MAST4: variants seen among roughly 807,000 people sequenced by gnomAD.
The protein encoded by MAST4 is microtubule associated serine/threonine kinase family member 4, also known as microtubule-associated serine/threonine-protein kinase 4.
Under a neutral mutation model 162.7 loss-of-function variants are expected in MAST4, and 89 were observed. The observed-to-expected ratio is 0.55, with a 90% CI of 0.46 to 0.65. The LOEUF is 0.65. Ranked by LOEUF, MAST4 falls within the 30% of genes least tolerant of loss-of-function variation. The pLI, the probability that MAST4 is intolerant of heterozygous loss-of-function variation, is 0.00. For synonymous variants in MAST4, 1,479 were observed against 1,361.1 expected (o/e 1.09, Z -1.91); for missense variants, 3,153 against 3,374.0 (o/e 0.93, Z 1.62).
intron 5 of MAST4, among the ~76,000 whole-genome samples, chr5:67,085,931 G>A (rs1763186101): frequency 6.6e-6 from 1 of 152,192 alleles, no homozygotes; most frequent in Non-Finnish European, 1.5e-5. Context: ...CCTGCATCGT[G>A]TTCCAGTGCC....
chr5:66,997,741 A>T (rs933210098), intron 4 of MAST4, among the ~76,000 whole-genome samples: 1 of 152,126 alleles, frequency 6.6e-6, no homozygotes, highest in Non-Finnish European at 1.5e-5. Flanking sequence ...TGATGTTTTA[A>T]TTACATTTTA....
At chr5:66,798,857 C>A (rs1026382679) in intron 3 of MAST4, among the ~76,000 whole-genome samples, 1 of 152,110 alleles carries the variant, frequency 6.6e-6, no homozygotes, top group African/African-American at 2.4e-5. Flanking sequence ...ACGGGTATTT[C>A]TTTCCTTGTT....
At chr5:66,898,125 C>T (rs1450130761) in intron 3 of MAST4, among the ~76,000 whole-genome samples, 1 of 152,106 alleles carries the variant, frequency 6.6e-6, no homozygotes, top group Admixed American at 6.6e-5. Flanking sequence ...TAGGCCTTTG[C>T]TCTGCACTAG....
intron 4 of MAST4, among the ~76,000 whole-genome samples, chr5:66,947,250 T>C (rs557875106): frequency 9.2e-5 from 14 of 152,296 alleles, no homozygotes; most frequent in Admixed American, 3.9e-4. Context: ...GCATGACTTT[T>C]ATGGTCCCTG....
At chr5:66,683,601 CT>C (rs1297545166) in intron 1 of MAST4, among the ~76,000 whole-genome samples, 1 of 152,156 alleles carries the variant, frequency 6.6e-6, no homozygotes, top group Admixed American at 6.5e-5. Flanking sequence ...TATTGTCATG[CT>C]GGCATTTCTG....
At chr5:67,100,338 T>A in intron 7 of MAST4, 97 bp from the exon 8 acceptor site, 1 of 1,123,184 alleles carries the variant, frequency 8.9e-7, no homozygotes, top group Non-Finnish European at 1.3e-6. Flanking sequence ...ACAATAAAAA[T>A]GGTGGTATTG....
chr5:67,144,879 G>T, intron 22 of MAST4, 83 bp downstream of exon 22: 1 of 1,473,706 alleles, frequency 6.8e-7, no homozygotes. Context: ...CAGAATACCT[G>T]GGGGGCTTGT....
At chr5:67,148,517 A>G (rs1771380508) in intron 23 of MAST4, among the ~76,000 whole-genome samples, 1 of 152,126 alleles carries the variant, frequency 6.6e-6, no homozygotes, top group Non-Finnish European at 1.5e-5. Context: ...ACCCCCCTCC[A>G]TATTTATCCT....
In MAST4 at chr5:67,163,100, G is replaced by A. The variant is rs765059144; in HGVS notation, c.3968-47G>A. On this transcript the variant is annotated intron_variant, in intron 28 of 28. Transcript: ENST00000403625. This position sits in a 1 kb window ranked among gnomAD's most constrained non-coding sequence, Gnocchi z 7.0. ...TCTGGGCTACAACTGTGAAAAAAAG[G>A]GGAAAATGACCATGGATGCTCACAG... 2 of 1,552,668 alleles carry A rather than the reference G, an allele frequency of 1.3e-6. No individual in the cohort carries two copies. Among genetic ancestry groups the A allele is most frequent in the South Asian group, 1.2e-5 (1 of 82,978 alleles).
intron 4 of MAST4, among the ~76,000 whole-genome samples, chr5:66,941,519 G>C (rs917910399): frequency 2.6e-5 from 4 of 152,060 alleles, no homozygotes; most frequent in African/African-American, 7.2e-5. Flanking sequence ...TCTAGATTAG[G>C]CTTTGGCTTA....
At chr5:66,936,715 G>A (rs1742788586) in intron 4 of MAST4, among the ~76,000 whole-genome samples, 1 of 152,170 alleles carries the variant, frequency 6.6e-6, no homozygotes, top group Admixed American at 6.5e-5. Context: ...TCAGAGGCCT[G>A]ACAATCATGG....
At chr5:66,942,555 G>C (rs1305009308) in intron 4 of MAST4, among the ~76,000 whole-genome samples, 1 of 152,152 alleles carries the variant, frequency 6.6e-6, no homozygotes, top group Non-Finnish European at 1.5e-5. Flanking sequence ...CTGTCATGCA[G>C]TGTGAAATAT....
intron 5 of MAST4, among the ~76,000 whole-genome samples, chr5:67,082,147 C>CTT (rs60811351): frequency 0.017 from 2,147 of 125,722 alleles, 59 homozygotes; most frequent in African/African-American, 0.042. Context: ...TACCTGTAAT[C>CTT]TTTTTTTTTT....
chr5:66,799,020 C>T (rs1019423969), intron 3 of MAST4, among the ~76,000 whole-genome samples: 46 of 152,242 alleles, frequency 3.0e-4, no homozygotes, highest in African/African-American at 8.4e-4. Context: ...TAAAAACCTC[C>T]GAGTTTTGTT....
Position 67,166,402 on chromosome 5 carries a change from C to T in MAST4, c.7223C>T (p.Ala2408Val). 1.2e-6 allele frequency: 2 copies of T among 1,610,210 alleles called. No homozygotes were observed. The highest frequency in any genetic ancestry group is 1.7e-6 in the Non-Finnish European group (2 of 1,178,176). Residue 2408 changes from alanine (A) to valine (V), a missense_variant, in exon 29 of 29, where the codon GCG becomes GTG. Transcript: ENST00000403625. ...TTGAAAGGCGCGGAGCGGCCAGCCG[C>T]GGGGGTGGGGAAGGGCTTCCCTGAG... ...NRLKGAERPA[A>V]GVGKGFPEAR...
chr5:66,976,005 A>G lies in MAST4; in HGVS notation c.674+76023A>G, dbSNP rs760491134. 2.6e-5 allele frequency among the ~76,000 whole-genome samples: 4 copies of G among 152,258 alleles called. No individual in the cohort carries two copies. In the East Asian group the frequency reaches 7.7e-4, roughly 29 times the overall value. On this transcript the variant is annotated intron_variant, in intron 4 of 28. Transcript: ENST00000403625. ...AGAGCTAGACTCCATCTAAAAAAAA[A>G]TGCTGTTTAACTTTCCAGGTGTTGG...
At chr5:66,933,299 ATCATGAGATTTGG>A (rs1742367850) in intron 4 of MAST4, among the ~76,000 whole-genome samples, 1 of 152,194 alleles carries the variant, frequency 6.6e-6, no homozygotes, top group Non-Finnish European at 1.5e-5. Context: ...TGGAAGTGAG[ATCATGAGATTTGG>A]AATTGCAGAT....
At chr5:66,760,107 A>G (rs1004425503) in intron 2 of MAST4, among the ~76,000 whole-genome samples, 3 of 150,674 alleles carry the variant, frequency 2.0e-5, no homozygotes, top group Admixed American at 1.3e-4. Flanking sequence ...TTATTTATTT[A>G]TTTATTTATT....
chr5:67,047,212 A>G (rs2150518093), intron 4 of MAST4, among the ~76,000 whole-genome samples: 1 of 152,360 alleles, frequency 6.6e-6, no homozygotes, highest in East Asian at 1.9e-4. Context: ...ATTCTCTAAA[A>G]ACAAAAGTCA....
Sources: allele counts gnomAD v4.1 joint callset (sites outside exome capture counted in the v4.1 genomes callset), GRCh38; gene constraint gnomAD v4.1.1; non-coding constraint Gnocchi (gnomAD v3.1); transcripts MANE v1.5; gene names NCBI Gene and HGNC (gene_info 2026-07-23, HGNC 2026-07-21).